GRIN2B: variants seen among roughly 807,000 people sequenced by gnomAD.
GRIN2B encodes glutamate ionotropic receptor NMDA type subunit 2B.
GRIN2B carries 5 observed loss-of-function variants against 114.5 expected under a neutral mutation model. That is an observed-to-expected ratio of 0.04 (90% CI 0.02 to 0.09). The LOEUF is 0.09. Ranked by LOEUF, GRIN2B falls within the 10% of genes least tolerant of loss-of-function variation. GRIN2B has a pLI of 1.00. For missense variants in GRIN2B, 1,108 were observed against 1,943.5 expected (o/e 0.57, Z 8.08); for synonymous variants, 787 against 745.1 (o/e 1.06, Z -0.92).
intron 2 of GRIN2B, among the ~76,000 whole-genome samples, chr12:13,965,102 A>G (rs901083931): frequency 1.3e-5 from 2 of 152,204 alleles, no homozygotes; most frequent in African/African-American, 4.8e-5. Flanking sequence ...AGGATAAGCC[A>G]GATCTTAAAC....
At chr12:13,654,277 C>G (rs1949843229) in intron 5 of GRIN2B, among the ~76,000 whole-genome samples, 1 of 152,020 alleles carries the variant, frequency 6.6e-6, no homozygotes, top group African/African-American at 2.4e-5. Flanking sequence ...GAGGAGGTGG[C>G]AAGGGAAAGA....
chr12:13,981,935 G>C (rs111988772), upstream of GRIN2B: 2 of 153,432 alleles, frequency 1.3e-5, no homozygotes, highest in East Asian at 1.9e-4. Context: ...CCTGACTCCG[G>C]GGGGAGGAGA....
At chr12:13,679,109 G>A (rs1209924102) in intron 4 of GRIN2B, among the ~76,000 whole-genome samples, 1 of 152,040 alleles carries the variant, frequency 6.6e-6, no homozygotes, top group South Asian at 2.1e-4. Flanking sequence ...AAGAAGGATA[G>A]GAGGGAAATA....
chr12:13,659,641 A>C (rs572678845), intron 5 of GRIN2B, among the ~76,000 whole-genome samples: 1,958 of 151,994 alleles, frequency 0.013, 39 homozygotes, highest in African/African-American at 0.044. Flanking sequence ...TTAAAAAAAA[A>C]CTCTTATTCA....
rs1281965023 is a variant in GRIN2B, at chr12:13,563,610, A to G, written c.3628T>C (p.Ser1210Pro). The G allele has an allele frequency of 8.7e-6, 14 of 1,613,866 alleles. No homozygotes were observed. Among genetic ancestry groups the G allele is most frequent in the East Asian group, 6.7e-5 (3 of 44,874 alleles). Residue 1210 changes from serine to proline, a missense_variant, in exon 14 of 14, where the codon TCC (serine) becomes CCC (proline). Coordinates refer to ENST00000609686, the MANE Select transcript of GRIN2B (RefSeq NM_000834.5). ...CAGCTGCGGCAGAAGTTGCCCCCGG[A>G]CCGGTCCTCCCACTCCACGTTGGTC... is the stretch of plus-strand genomic sequence containing the variant. ...NLTNVEWEDR[S>P]GGNFCRSCPS...
In GRIN2B at chr12:13,835,653, TAGCCTTC is replaced by T. The variant is rs531432420; in HGVS notation, c.411+30138_411+30144del. On this transcript the variant is annotated intron_variant, in intron 3 of 13. Transcript: ENST00000609686. ...GAGAACATCAGGAAGGCACCCCCTTTAGCCTTCAGACCTCTCCAGTTCTGGGGACAGG... is the reference window on the plus strand; with the variant it reads ...GAGAACATCAGGAAGGCACCCCCTTTAGACCTCTCCAGTTCTGGGGACAGG... 3.0e-4 allele frequency among the ~76,000 whole-genome samples: 45 copies of T among 151,646 alleles called. No individual in the cohort carries two copies. In the South Asian group the frequency reaches 7.3e-3, roughly 25 times the overall value.
intron 4 of GRIN2B, among the ~76,000 whole-genome samples, chr12:13,725,082 T>C (rs1329015235): frequency 6.6e-6 from 1 of 152,128 alleles, no homozygotes; most frequent in Non-Finnish European, 1.5e-5. Context: ...ACTCTTGTGC[T>C]CTGTGCCTAC....
chr12:13,594,238 G>A (rs891205037), intron 10 of GRIN2B, among the ~76,000 whole-genome samples: 1 of 152,076 alleles, frequency 6.6e-6, no homozygotes, highest in African/African-American at 2.4e-5. Flanking sequence ...TGTTTATTGT[G>A]GCACTGTTCA....
chr12:13,553,894 A>G lies in GRIN2B; in HGVS notation c.*8889T>C, dbSNP rs1382187369. ...CACTTTCCTAACCATAAAACAGTCC[A>G]AAACAACTTCAAAGGACAAAGCACT... On this transcript the variant is annotated 3_prime_UTR_variant, in exon 14 of 14. Transcript: ENST00000609686. 1 of 152,222 alleles carries G rather than the reference A, an allele frequency of 6.6e-6. No individual in the cohort carries two copies. The highest frequency in any genetic ancestry group is 1.5e-5 in the Non-Finnish European group (1 of 68,036). The allele number at this position is 152,222 out of a possible 1,614,324, so 9.4% of individuals were successfully genotyped here.
At chr12:13,937,093 A>C (rs936489110) in intron 2 of GRIN2B, among the ~76,000 whole-genome samples, 24 of 146,066 alleles carry the variant, frequency 1.6e-4, no homozygotes, top group Admixed American at 3.4e-4. Flanking sequence ...ATAAAAAAAA[A>C]AAAGGGGGGG....
At chr12:13,870,412 C>T (rs530505890) in intron 2 of GRIN2B, among the ~76,000 whole-genome samples, 5 of 152,124 alleles carry the variant, frequency 3.3e-5, no homozygotes, top group East Asian at 1.9e-4. Flanking sequence ...TAAGTGATCC[C>T]GAGATCCATA....
chr12:13,899,870 G>GACAAGAC (rs1866413624), intron 2 of GRIN2B, among the ~76,000 whole-genome samples: 1 of 105,914 alleles, frequency 9.4e-6, no homozygotes. Flanking sequence ...TTTCACCATA[G>GACAAGAC]TCTTTGAGTC....
At chr12:13,779,672 A>G (rs550131002) in intron 3 of GRIN2B, among the ~76,000 whole-genome samples, 2 of 152,192 alleles carry the variant, frequency 1.3e-5, no homozygotes, top group Non-Finnish European at 2.9e-5. Context: ...TTTACAACAC[A>G]TCTTAGTTCA....
chr12:13,693,656 C>T (rs571114112), intron 4 of GRIN2B, among the ~76,000 whole-genome samples: 1 of 152,206 alleles, frequency 6.6e-6, no homozygotes, highest in African/African-American at 2.4e-5. Flanking sequence ...ATTCAATATC[C>T]CTGCTTCATA....
chr12:13,946,443 T>C (rs992202332), intron 2 of GRIN2B, among the ~76,000 whole-genome samples: 3 of 152,080 alleles, frequency 2.0e-5, no homozygotes, highest in Non-Finnish European at 4.4e-5. Context: ...ATTGAATTCC[T>C]CTTCCATCTC....
At chr12:13,858,655 T>C (rs932453792) in intron 3 of GRIN2B, among the ~76,000 whole-genome samples, 2 of 151,526 alleles carry the variant, frequency 1.3e-5, no homozygotes, top group Non-Finnish European at 2.9e-5. Context: ...ATTTTCTTCA[T>C]GTAATAATTC....
At chr12:13,927,106 C>G (rs78777464) in intron 2 of GRIN2B, among the ~76,000 whole-genome samples, 4,918 of 152,126 alleles carry the variant, frequency 0.032, 254 homozygotes, top group African/African-American at 0.11. Context: ...AGAGCAGAGA[C>G]CACCCAACAT....
intron 5 of GRIN2B, among the ~76,000 whole-genome samples, chr12:13,621,953 CA>C (rs1949522357): frequency 6.6e-6 from 1 of 151,578 alleles, no homozygotes; most frequent in Non-Finnish European, 1.5e-5. Context: ...TGAAAGCCCC[CA>C]CGTTTGTCCC....
Position 13,781,706 on chromosome 12 carries a change from C to T in GRIN2B, c.412-27791G>A, listed in dbSNP as rs544228559. 2.4e-4 allele frequency among the ~76,000 whole-genome samples: 36 copies of T among 152,146 alleles called. 1 individual carries two copies. In the South Asian group the frequency reaches 7.5e-3, roughly 32 times the overall value. On this transcript the variant is annotated intron_variant, in intron 3 of 13. Transcript: ENST00000609686. ...GAGTAGAATATGACCCTAAAAATGC[C>T]AATTATAGCACAGTAGATTTTTGTC...
Sources: allele counts gnomAD v4.1 joint callset (sites outside exome capture counted in the v4.1 genomes callset), GRCh38; gene constraint gnomAD v4.1.1; transcripts MANE v1.5; gene names NCBI Gene and HGNC (gene_info 2026-07-23, HGNC 2026-07-21).